B3GALT5: variants seen among roughly 807,000 people sequenced by gnomAD.
B3GALT5 encodes UDP-Gal:betaGlcNAc beta 1,3-galactosyltransferase, polypeptide 5.
For missense variants in B3GALT5, 328 were observed against 396.6 expected, an observed-to-expected ratio of 0.83 and a Z score of 1.47; for synonymous variants, 156 against 158.6, an observed-to-expected ratio of 0.98 and a Z score of 0.12.
intron 1 of B3GALT5, among the ~76,000 whole-genome samples, chr21:39,646,014 G>T (rs771636354): frequency 6.6e-6 from 1 of 150,918 alleles, no homozygotes; most frequent in Non-Finnish European, 1.5e-5. Flanking sequence ...CCCTTGCACG[G>T]CTGGAGTAAA....
At chr21:39,629,300 C>G (rs2079180089) in intron 1 of B3GALT5, among the ~76,000 whole-genome samples, 1 of 152,208 alleles carries the variant, frequency 6.6e-6, no homozygotes, top group Admixed American at 6.5e-5. Flanking sequence ...TAGGCGTGAG[C>G]CACCATGCCG....
Position 39,661,676 on chromosome 21 carries a change from GTC to G in B3GALT5, c.*188_*189del, listed in dbSNP as rs959042593. The G allele has an allele frequency of 1.8e-6, 1 of 554,138 alleles. No individual in the cohort carries two copies. The allele number at this position is 554,138 out of a possible 1,614,324, so 34.3% of individuals were successfully genotyped here. On this transcript the variant is annotated 3_prime_UTR_variant, in exon 4 of 4. Transcript: ENST00000684187. This position sits in a 1 kb window ranked among gnomAD's most constrained non-coding sequence, Gnocchi z 4.7. The stretch of plus-strand genomic sequence containing the variant: ...TGGTGCCCCAGGCAATAATAGGCCC[GTC>G]TCTTGGGCACGCACACTCTTCATAC...
rs900288886 is a variant in B3GALT5 at position 39,660,798 on chromosome 21, G to A, written c.239G>A (p.Trp80Ter). The part of the protein sequence containing the change: ...LAERMAIRQT[W>*]GKERMVKGKQ... Reference sequence around the variant, plus strand: ...GAGCGCATGGCCATCCGGCAGACGTGGGGGAAAGAGAGGATGGTGAAGGGA... The same window carrying A: ...GAGCGCATGGCCATCCGGCAGACGTAGGGGAAAGAGAGGATGGTGAAGGGA... The change falls in exon 4 of 4, where the codon TGG (tryptophan) becomes TAG (stop). Residue 80 changes from tryptophan to a stop codon, truncating the protein, a stop_gained. Coordinates refer to ENST00000684187, the MANE Select transcript of B3GALT5 (RefSeq NM_001356336.2). LOFTEE classifies it low-confidence loss of function (END_TRUNC). 1.3e-6 allele frequency: 2 copies of A among 1,583,548 alleles called. No individual in the cohort carries two copies. Among genetic ancestry groups the A allele is most frequent in the East Asian group, 2.2e-5 (1 of 44,620 alleles).
chr21:39,651,885 A>G (rs1428876992), intron 2 of B3GALT5, among the ~76,000 whole-genome samples: 4 of 152,312 alleles, frequency 2.6e-5, no homozygotes, highest in Middle Eastern at 3.4e-3. Flanking sequence ...TTATTTCAAC[A>G]TAATTGATTT....
chr21:39,658,086 C>T (rs1353370896), intron 2 of B3GALT5, among the ~76,000 whole-genome samples: 1 of 152,174 alleles, frequency 6.6e-6, no homozygotes. Context: ...GGAAGGCTGG[C>T]CCCCAGGTCC....
chr21:39,671,786 T>C lies in B3GALT5; in HGVS notation c.*10294T>C, dbSNP rs140971762. ...TTGCAGTGTGTGGCCCCTGGGAATG[T>C]AGAGGCATGAATTTCTGTCTGTTTT... On this transcript the variant is annotated 3_prime_UTR_variant, in exon 4 of 4. Transcript: ENST00000684187. 5 of 152,320 alleles carry C rather than the reference T, an allele frequency of 3.3e-5. No homozygotes were observed. The East Asian group carries it at 9.6e-4, about 29-fold the overall frequency. The allele number at this position is 152,320 out of a possible 1,614,324, so 9.4% of individuals were successfully genotyped here. A position where few individuals can be genotyped will look rare whatever the true frequency, so the allele number is the denominator to read the frequency against.
chr21:39,621,045 G>T (rs756845138), intron 1 of B3GALT5, among the ~76,000 whole-genome samples: 6 of 152,180 alleles, frequency 3.9e-5, no homozygotes, highest in Non-Finnish European at 8.8e-5. Flanking sequence ...CAGGAGGATT[G>T]CTTGAGGCCA....
intron 1 of B3GALT5, among the ~76,000 whole-genome samples, chr21:39,639,138 A>G (rs944701958): frequency 6.6e-6 from 1 of 152,180 alleles, no homozygotes; most frequent in Non-Finnish European, 1.5e-5. Flanking sequence ...TTATTAAACT[A>G]ACAGAACAGG....
In B3GALT5 at chr21:39,661,392, T is replaced by C; in HGVS notation, c.833T>C (p.Phe278Ser). The C allele has an allele frequency of 6.3e-7, 1 of 1,580,452 alleles. No individual in the cohort carries two copies. Among genetic ancestry groups the C allele is most frequent in the South Asian group, 1.2e-5 (1 of 83,968 alleles). Residue 278 changes from phenylalanine (F) to serine (S), a missense_variant, in exon 4 of 4, where the codon TTC becomes TCC. By Grantham distance (155) the Phe-to-Ser change is radical. Coordinates refer to ENST00000684187, the MANE Select transcript of B3GALT5 (RefSeq NM_001356336.2). The surrounding 1 kb of genome is among the most constrained non-coding windows in gnomAD (Gnocchi z 4.7). ...PGGLRFSVCLFRRIVACHFIK... is the reference protein window; with the variant it reads ...PGGLRFSVCLSRRIVACHFIK... ...GGCTTACGCTTCTCCGTATGCCTCT[T>C]CAGGAGGATCGTGGCCTGCCACTTC... is the stretch of plus-strand genomic sequence containing the variant.
intron 1 of B3GALT5, among the ~76,000 whole-genome samples, chr21:39,625,317 G>A (rs878896217): frequency 6.6e-6 from 1 of 152,194 alleles, no homozygotes; most frequent in Admixed American, 6.5e-5. Flanking sequence ...CAGTCGTTCT[G>A]AGCCTGATGG....
chr21:39,616,469 A>G lies in B3GALT5; in HGVS notation c.-392+3402A>G, dbSNP rs1170928400. ...AAACTTTTAATCCACTGCTGGGAGT[A>G]TATTTTCTTCCAGACTGTGGCTTCT... On this transcript the variant is annotated intron_variant, in intron 1 of 3. Transcript: ENST00000684187. Among the ~76,000 whole-genome samples, 3 of 152,120 alleles carry G rather than the reference A, an allele frequency of 2.0e-5. No individual in the cohort carries two copies. The East Asian group carries it at 5.8e-4, about 29-fold the overall frequency.
intron 1 of B3GALT5, among the ~76,000 whole-genome samples, chr21:39,625,918 A>T (rs527495497): frequency 3.9e-5 from 6 of 152,138 alleles, no homozygotes; most frequent in African/African-American, 1.2e-4. Context: ...TGAACCCCTA[A>T]CTCTTTTAAA....
Position 39,660,963 on chromosome 21 carries a change from C to T in B3GALT5, c.404C>T (p.Thr135Ile), listed in dbSNP as rs772798170. ...GTCTATTACAATCTGACCCTGAAGA[C>T]CATGATGGGCATAGAATGGGTCCAT... Reference protein sequence around the residue: ...LDVYYNLTLKTMMGIEWVHRF... With the variant: ...LDVYYNLTLKIMMGIEWVHRF... Residue 135 changes from threonine to isoleucine, a missense_variant, in exon 4 of 4, where the codon ACC becomes ATC. By Grantham distance (89) the Thr-to-Ile change is moderately conservative (BLOSUM62 -1). Transcript: ENST00000684187. 1.1e-5 allele frequency: 17 copies of T among 1,606,816 alleles called. No individual in the cohort carries two copies. Among genetic ancestry groups the T allele is most frequent in the Admixed American group, 1.7e-5 (1 of 59,604 alleles).
chr21:39,635,200 A>T (rs751981549), intron 1 of B3GALT5, among the ~76,000 whole-genome samples: 1 of 152,054 alleles, frequency 6.6e-6, no homozygotes, highest in Non-Finnish European at 1.5e-5. Context: ...TTGTTTGTAG[A>T]TTTTGGGGTC....
In B3GALT5 at chr21:39,672,985, C is replaced by T. The variant is rs991991762; in HGVS notation, c.*11493C>T. The T allele has an allele frequency of 6.6e-6, 1 of 152,164 alleles. No individual in the cohort carries two copies. The highest frequency in any genetic ancestry group is 6.5e-5 in the Admixed American group (1 of 15,278). 9.4% of individuals were successfully genotyped at this position (152,164 alleles called of 1,614,324 possible). A position where few individuals can be genotyped will look rare whatever the true frequency, so the allele number is the denominator to read the frequency against. On this transcript the variant is annotated 3_prime_UTR_variant, in exon 4 of 4. Coordinates refer to ENST00000684187, the MANE Select transcript of B3GALT5 (RefSeq NM_001356336.2). ...AGTTCTTCTCTCAGGTATATTTTAACTAAAAGCTATCATTTAAGTTGAAGA... is the reference window on the plus strand; with the variant it reads ...AGTTCTTCTCTCAGGTATATTTTAATTAAAAGCTATCATTTAAGTTGAAGA...
intron 1 of B3GALT5, among the ~76,000 whole-genome samples, chr21:39,639,416 C>T (rs2079267525): frequency 2.0e-5 from 2 of 97,912 alleles, no homozygotes; most frequent in East Asian, 2.3e-4. Flanking sequence ...TTCTTTCTTT[C>T]TTTCTTTCTT....
At chr21:39,616,255 G>GCTCTCTCT (rs2079106937) in intron 1 of B3GALT5, among the ~76,000 whole-genome samples, 1 of 152,096 alleles carries the variant, frequency 6.6e-6, no homozygotes. Context: ...CGTTTGCAAT[G>GCTCTCTCT]CTCTCTCTCT....
chr21:39,657,368 T>C (rs2079455159), intron 2 of B3GALT5: 2 of 152,374 alleles, frequency 1.3e-5, no homozygotes, highest in African/African-American at 4.8e-5. Flanking sequence ...TGTGAATTCC[T>C]CTTTCTCTGC....
At position 39,663,052 on chromosome 21, in the gene B3GALT5, A is replaced by G. The variant is rs967198807; in HGVS notation, c.*1560A>G. 2 of 152,188 alleles carry G rather than the reference A, an allele frequency of 1.3e-5. No homozygotes were observed. Among genetic ancestry groups the G allele is most frequent in the African/African-American group, 4.8e-5 (2 of 41,456 alleles). The allele number at this position is 152,188 out of a possible 1,614,324, so 9.4% of individuals were successfully genotyped here. A position where few individuals can be genotyped will look rare whatever the true frequency, so the allele number is the denominator to read the frequency against. On this transcript the variant is annotated 3_prime_UTR_variant, in exon 4 of 4. Transcript: ENST00000684187. ...CTGGCTGCTCTGAACGCACTGGGTC[A>G]TGTTCAGAAAAGCCTCCTTCTCAGG...
Sources: allele counts gnomAD v4.1 joint callset (sites outside exome capture counted in the v4.1 genomes callset), GRCh38; gene constraint gnomAD v4.1.1; non-coding constraint Gnocchi (gnomAD v3.1); transcripts MANE v1.5; gene names NCBI Gene and HGNC (gene_info 2026-07-23, HGNC 2026-07-21).